Variants in NFASC observed in about 807,000 individuals in gnomAD.
NFASC encodes the protein neurofascin.
In NFASC, 43 loss-of-function variants were observed where a neutral mutation model predicts 147.5. The observed-to-expected ratio is 0.29, with a 90% CI of 0.23 to 0.38. NFASC has a LOEUF of 0.38. NFASC is among the 10% of genes least tolerant of loss of function. The probability of loss-of-function intolerance (pLI) is 1.00; values close to 1 mark genes in which losing one functional copy is unlikely to be tolerated. For synonymous variants in NFASC, 622 were observed against 665.5 expected, an observed-to-expected ratio of 0.93 and a Z score of 1.01; for missense variants, 1,320 against 1,689.0, an observed-to-expected ratio of 0.78 and a Z score of 3.83.
At position 205,016,737 on chromosome 1, in the gene NFASC, G is replaced by T. The variant is rs956075830; in HGVS notation, c.*198G>T. 9.2e-6 allele frequency: 6 copies of T among 649,588 alleles called. No individual in the cohort carries two copies. The highest frequency in any genetic ancestry group is 1.8e-5 in the African/African-American group (1 of 56,274). The allele number at this position is 649,588 out of a possible 1,614,324, so 40.2% of individuals were successfully genotyped here. On this transcript the variant is annotated 3_prime_UTR_variant, in exon 30 of 30. Transcript: ENST00000339876. This position sits in a 1 kb window ranked among gnomAD's most constrained non-coding sequence, Gnocchi z 5.1. Reference sequence around the variant, plus strand: ...TCCCAATGACCCCCCTTCAGCCCCGGGTGCCACCAGTGTGGGAGAGCTGGA... The same window carrying T: ...TCCCAATGACCCCCCTTCAGCCCCGTGTGCCACCAGTGTGGGAGAGCTGGA...
intron 1 of NFASC, among the ~76,000 whole-genome samples, chr1:204,868,673 C>G (rs1229925251): frequency 6.6e-6 from 1 of 152,166 alleles, no homozygotes; most frequent in Non-Finnish European, 1.5e-5. Context: ...AGGAGAAAAG[C>G]CGCAGGAACT....
At chr1:204,999,926 G>A (rs923092606) in intron 25 of NFASC, 1 of 152,176 alleles carries the variant, frequency 6.6e-6, no homozygotes, top group South Asian at 2.1e-4. Context: ...TTTGAAATAC[G>A]AGGCTTCATG....
intron 20 of NFASC, 52 bp downstream of exon 20, chr1:204,980,492 G>A (rs765791265): frequency 2.0e-5 from 27 of 1,381,118 alleles, no homozygotes; most frequent in African/African-American, 1.0e-4. Context: ...CGCATGCACC[G>A]GGAGCCCCTC....
intron 15 of NFASC, among the ~76,000 whole-genome samples, chr1:204,976,067 G>A (rs1037138668): frequency 5.3e-5 from 8 of 152,174 alleles, no homozygotes; most frequent in Non-Finnish European, 1.5e-5. Flanking sequence ...GAGCAAAGTT[G>A]TGCAGGGCCC....
At chr1:204,982,934 C>T (rs929842678) in intron 21 of NFASC, among the ~76,000 whole-genome samples, 1 of 152,196 alleles carries the variant, frequency 6.6e-6, no homozygotes, top group African/African-American at 2.4e-5. Context: ...GAGGGCTGGG[C>T]CCTGGGCCCC....
At chr1:204,994,392 C>G (rs1371555390) in intron 24 of NFASC, among the ~76,000 whole-genome samples, 1 of 152,234 alleles carries the variant, frequency 6.6e-6, no homozygotes, top group Non-Finnish European at 1.5e-5. Context: ...GTCACCTGGG[C>G]TCTCTTGACA....
chr1:204,942,572 G>T (rs1044570460), intron 2 of NFASC, among the ~76,000 whole-genome samples: 1 of 152,208 alleles, frequency 6.6e-6, no homozygotes, highest in African/African-American at 2.4e-5. Context: ...GAGTAAATCA[G>T]AGGGGCATAT....
intron 21 of NFASC, chr1:204,984,194 C>T: frequency 1.6e-6 from 2 of 1,217,316 alleles, no homozygotes; most frequent in Non-Finnish European, 2.4e-6. Flanking sequence ...CTAACCAGGG[C>T]CAGGGGTAGC....
intron 1 of NFASC, among the ~76,000 whole-genome samples, chr1:204,917,664 C>T (rs894084231): frequency 3.2e-4 from 49 of 152,290 alleles, no homozygotes; most frequent in Middle Eastern, 6.8e-3. Context: ...CTCAGCTTGA[C>T]CAGGGAAACC....
At chr1:205,008,704 G>A (rs192183399) in intron 27 of NFASC, 2 of 152,744 alleles carry the variant, frequency 1.3e-5, no homozygotes, top group African/African-American at 4.8e-5. Flanking sequence ...ATCACAAAGG[G>A]ATCTGCCCAC....
intron 2 of NFASC, among the ~76,000 whole-genome samples, chr1:204,941,479 G>T (rs185330295): frequency 1.3e-5 from 2 of 151,838 alleles, no homozygotes; most frequent in Non-Finnish European, 2.9e-5. Flanking sequence ...TAAAATATCC[G>T]TCTCTTTCCC....
intron 15 of NFASC, among the ~76,000 whole-genome samples, chr1:204,976,060 C>G (rs1402800636): frequency 6.6e-6 from 1 of 152,124 alleles, no homozygotes; most frequent in Non-Finnish European, 1.5e-5. Flanking sequence ...CCCGAGGGAG[C>G]AAAGTTGTGC....
chr1:204,904,331 C>A (rs966405844), intron 1 of NFASC, among the ~76,000 whole-genome samples: 2 of 152,164 alleles, frequency 1.3e-5, no homozygotes, highest in African/African-American at 4.8e-5. Context: ...CTCCCGGACT[C>A]AAGTGATCCA....
intron 29 of NFASC, 147 bp downstream of exon 29, chr1:205,013,013 G>A (rs1558478485): frequency 1.2e-5 from 8 of 656,212 alleles, no homozygotes; most frequent in African/African-American, 1.8e-5. Context: ...CTCTGGTGGC[G>A]CTGTGGTGGA....
intron 22 of NFASC, among the ~76,000 whole-genome samples, chr1:204,988,085 CTT>C (rs1287023026): frequency 6.6e-6 from 1 of 152,222 alleles, no homozygotes; most frequent in African/African-American, 2.4e-5. Context: ...ATTTGAAACA[CTT>C]TAGGCCTTCA....
At chr1:204,989,066 T>C in intron 23 of NFASC, 1 of 531,792 alleles carries the variant, frequency 1.9e-6, no homozygotes, top group Non-Finnish European at 3.4e-6. Context: ...TTGACATCTA[T>C]CATCTTTCCT....
intron 7 of NFASC, 56 bp downstream of exon 7, chr1:204,955,007 G>A: frequency 1.3e-6 from 2 of 1,596,808 alleles, no homozygotes; most frequent in Non-Finnish European, 8.6e-7. Flanking sequence ...GGGTGGGGTG[G>A]GTGTGTTAAG....
intron 27 of NFASC, among the ~76,000 whole-genome samples, chr1:205,008,080 G>C (rs2096169088): frequency 6.6e-6 from 1 of 152,112 alleles, no homozygotes; most frequent in African/African-American, 2.4e-5. Context: ...GAGTGCAGAG[G>C]ACACGTGTTC....
In NFASC at chr1:204,979,750, A is replaced by G. The variant is rs2095476970; in HGVS notation, c.2176+191A>G. On this transcript the variant is annotated intron_variant, in intron 19 of 29. Coordinates refer to ENST00000339876, the MANE Select transcript of NFASC (RefSeq NM_001005388.3). This position sits in a 1 kb window ranked among gnomAD's most constrained non-coding sequence, Gnocchi z 6.0. Reference sequence around the variant, plus strand: ...TTGTGAACATTTGAGAATGTGTGCCAGGTACTTACTATGATGCCTGGCATG... The same window carrying G: ...TTGTGAACATTTGAGAATGTGTGCCGGGTACTTACTATGATGCCTGGCATG... Among the ~76,000 whole-genome samples, 1 of 152,256 alleles carries G rather than the reference A, an allele frequency of 6.6e-6. No homozygotes were observed. The highest frequency in any genetic ancestry group is 6.5e-5 in the Admixed American group (1 of 15,284).
Sources: gnomAD v4.1 joint callset for allele counts (sites outside exome capture counted in the v4.1 genomes callset) on GRCh38, gnomAD v4.1.1 for gene constraint, Gnocchi (gnomAD v3.1) non-coding constraint, MANE v1.5 for transcripts, NCBI Gene and HGNC (gene_info 2026-07-23, HGNC 2026-07-21) for gene names.